Variants in JAKMIP2 observed in about 807,000 individuals in gnomAD.
JAKMIP2 encodes janus kinase and microtubule interacting protein 2, also known as janus kinase and microtubule-interacting protein 2.
A neutral mutation model predicts 115.0 loss-of-function variants in JAKMIP2; 25 were observed. The observed-to-expected ratio is 0.22, with a 90% CI of 0.16 to 0.30. The LOEUF (loss-of-function observed/expected upper bound fraction) is 0.30. JAKMIP2 is among the 10% of genes least tolerant of loss of function. JAKMIP2 has a pLI of 1.00. For missense variants in JAKMIP2, 642 were observed against 957.6 expected (o/e 0.67, Z 4.35); for synonymous variants, 334 against 343.6 (o/e 0.97, Z 0.31).
At chr5:147,599,271 T>C (rs370858783) in intron 21 of JAKMIP2, among the ~76,000 whole-genome samples, 4 of 152,304 alleles carry the variant, frequency 2.6e-5, no homozygotes, top group East Asian at 3.9e-4. Flanking sequence ...CACAACACCC[T>C]GCTGTAGGTA....
intron 1 of JAKMIP2, among the ~76,000 whole-genome samples, chr5:147,697,625 T>C (rs978398878): frequency 2.6e-5 from 4 of 152,212 alleles, no homozygotes; most frequent in African/African-American, 9.6e-5. Context: ...GCATCCAAGC[T>C]GCTCCAGCTG....
intron 1 of JAKMIP2, among the ~76,000 whole-genome samples, chr5:147,774,866 C>A (rs934541354): frequency 6.6e-6 from 1 of 152,148 alleles, no homozygotes; most frequent in Non-Finnish European, 1.5e-5. Context: ...ACCCTCTTCT[C>A]CTAAGCACAT....
intron 1 of JAKMIP2, among the ~76,000 whole-genome samples, chr5:147,725,260 C>T (rs921121458): frequency 6.6e-6 from 1 of 152,098 alleles, no homozygotes; most frequent in Non-Finnish European, 1.5e-5. Context: ...CTGGAAAACT[C>T]ATGAATAATC....
At chr5:147,749,309 C>CTTG (rs1754464826) in intron 1 of JAKMIP2, among the ~76,000 whole-genome samples, 3 of 151,934 alleles carry the variant, frequency 2.0e-5, no homozygotes, top group African/African-American at 7.3e-5. Context: ...ACTACTCATG[C>CTTG]ATTATCCTAC....
At chr5:147,611,856 C>T (rs1352545813) in intron 20 of JAKMIP2, among the ~76,000 whole-genome samples, 2 of 152,106 alleles carry the variant, frequency 1.3e-5, no homozygotes, top group African/African-American at 4.8e-5. Flanking sequence ...GACAGGACAA[C>T]ATGATTATCA....
At chr5:147,764,963 A>G (rs1237540814) in intron 1 of JAKMIP2, among the ~76,000 whole-genome samples, 6 of 74,648 alleles carry the variant, frequency 8.0e-5, no homozygotes, top group African/African-American at 1.4e-4. Flanking sequence ...AGAGAGAGAG[A>G]GAGGGGGAGA....
At chr5:147,634,622 G>A (rs1389770524) in intron 12 of JAKMIP2, among the ~76,000 whole-genome samples, 3 of 152,100 alleles carry the variant, frequency 2.0e-5, no homozygotes, top group African/African-American at 7.3e-5. Flanking sequence ...TTCATTCAAT[G>A]CCAACAAAGT....
chr5:147,708,525 A>C (rs1209956296), intron 1 of JAKMIP2, among the ~76,000 whole-genome samples: 1 of 152,230 alleles, frequency 6.6e-6, no homozygotes, highest in Non-Finnish European at 1.5e-5. Context: ...CATGTTAATT[A>C]TGATTAGTTT....
intron 3 of JAKMIP2, among the ~76,000 whole-genome samples, chr5:147,656,764 C>A (rs1429837686): frequency 6.6e-6 from 1 of 152,118 alleles, no homozygotes; most frequent in Non-Finnish European, 1.5e-5. Context: ...CTAATTGATG[C>A]AGTTTCTTCA....
intron 15 of JAKMIP2, among the ~76,000 whole-genome samples, chr5:147,629,108 A>G (rs1475373244): frequency 1.3e-5 from 2 of 152,236 alleles, no homozygotes; most frequent in Non-Finnish European, 2.9e-5. Context: ...AATGGAATAA[A>G]AAACAGTCTC....
chr5:147,752,026 T>C (rs959794113), intron 1 of JAKMIP2, among the ~76,000 whole-genome samples: 7 of 152,112 alleles, frequency 4.6e-5, no homozygotes, highest in Admixed American at 2.6e-4. Flanking sequence ...ATAAGAGACT[T>C]TCTGATGATG....
At chr5:147,726,468 T>C (rs999973049) in intron 1 of JAKMIP2, among the ~76,000 whole-genome samples, 2 of 152,230 alleles carry the variant, frequency 1.3e-5, no homozygotes, top group Non-Finnish European at 2.9e-5. Context: ...GGCCTCCCTG[T>C]GTGCATAACT....
intron 1 of JAKMIP2, among the ~76,000 whole-genome samples, chr5:147,712,955 T>A (rs1236041575): frequency 1.1e-4 from 16 of 152,092 alleles, no homozygotes; most frequent in Admixed American, 1.0e-3. Context: ...TAAGTCAGGG[T>A]TCCTTTAAGG....
intron 3 of JAKMIP2, among the ~76,000 whole-genome samples, chr5:147,659,051 G>A (rs1581368780): frequency 6.6e-6 from 1 of 151,810 alleles, no homozygotes; most frequent in East Asian, 1.9e-4. Flanking sequence ...GAGATTGGAC[G>A]GTGGTCCTGA....
At chr5:147,765,030 GAGAA>G (rs66712881) in intron 1 of JAKMIP2, among the ~76,000 whole-genome samples, 28,649 of 115,204 alleles carry the variant, frequency 0.25, 4,519 homozygotes, top group Non-Finnish European at 0.28. Context: ...CAGAGAGAGA[GAGAA>G]AGAAAGAAAG....
At chr5:147,598,453 T>TATCTATCTATC (rs1375406208) in intron 21 of JAKMIP2, among the ~76,000 whole-genome samples, 1 of 150,088 alleles carries the variant, frequency 6.7e-6, no homozygotes, top group East Asian at 2.0e-4. Context: ...TCTATCTATC[T>TATCTATCTATC]ATCTATCATC....
chr5:147,677,217 T>A lies in JAKMIP2; in HGVS notation c.-148-5263A>T, dbSNP rs187320463. Among the ~76,000 whole-genome samples the A allele has an allele frequency of 5.1e-3, 781 of 152,288 alleles. 9 individuals carry two copies. Among genetic ancestry groups the A allele is most frequent in the Non-Finnish European group, 7.5e-3 (513 of 68,028 alleles). Reference sequence around the variant, plus strand: ...TGGCAATTAAACAAACGGATGTAAGTGATGCTCTTGCACAGCTCACGACGC... The same window carrying A: ...TGGCAATTAAACAAACGGATGTAAGAGATGCTCTTGCACAGCTCACGACGC... On this transcript the variant is annotated intron_variant, in intron 1 of 21. Transcript: ENST00000616793.
intron 2 of JAKMIP2, among the ~76,000 whole-genome samples, chr5:147,665,524 G>A (rs1405270297): frequency 6.6e-6 from 1 of 152,192 alleles, no homozygotes; most frequent in Non-Finnish European, 1.5e-5. Context: ...GCAATGGCTG[G>A]TGGGTAACAA....
rs11951402 is a variant in JAKMIP2, at chr5:147,711,332, T to C, written c.-148-39378A>G. Among the ~76,000 whole-genome samples, 216 of 152,342 alleles carry C rather than the reference T, an allele frequency of 1.4e-3. 2 individuals carry two copies. Among genetic ancestry groups the C allele is most frequent in the African/African-American group, 5.0e-3 (208 of 41,570 alleles). On this transcript the variant is annotated intron_variant, in intron 1 of 21. Coordinates refer to ENST00000616793, the MANE Select transcript of JAKMIP2 (RefSeq NM_001270941.2). ...TTACTCTATTAATTTACTCATTTAT[T>C]AGTTCATTCAACAAGTATTTATTTT...
Sources: allele counts gnomAD v4.1 joint callset (sites outside exome capture counted in the v4.1 genomes callset), GRCh38; gene constraint gnomAD v4.1.1; transcripts MANE v1.5; gene names NCBI Gene and HGNC (gene_info 2026-07-23, HGNC 2026-07-21).